Variants in ARID3B observed in about 807,000 individuals in gnomAD.
The protein encoded by ARID3B is AT-rich interaction domain 3B, also known as AT-rich interactive domain-containing protein 3B.
In ARID3B, 10 loss-of-function variants were observed where a neutral mutation model predicts 51.9. The ratio of observed to expected loss-of-function variants is 0.19; its 90% CI spans 0.12 to 0.33. ARID3B has a LOEUF of 0.33. ARID3B is among the 10% of genes least tolerant of loss of function. The pLI is 1.00. For synonymous variants in ARID3B, 205 were observed against 279.5 expected (o/e 0.73, Z 2.66); for missense variants, 483 against 716.3 (o/e 0.67, Z 3.72).
chr15:74,586,894 A>G lies in ARID3B; in HGVS notation c.698-2926A>G, dbSNP rs151288719. Among the ~76,000 whole-genome samples, 429 of 152,332 alleles carry G rather than the reference A, an allele frequency of 2.8e-3. 4 individuals are homozygous for G. The highest frequency in any genetic ancestry group is 0.024 in the East Asian group (126 of 5,182). ...AAATTCTGAGAGGGAAGAAACCCAC[A>G]TGAACTGGGGTAGTGAGAACATGCT... On this transcript the variant is annotated intron_variant, in intron 4 of 8. Transcript: ENST00000346246.
At chr15:74,542,901 T>C (rs776237753) in intron 1 of ARID3B, among the ~76,000 whole-genome samples, 6 of 152,120 alleles carry the variant, frequency 3.9e-5, no homozygotes, top group African/African-American at 1.4e-4. Context: ...TGGAGACTGA[T>C]TGGTAAGAAT....
chr15:74,576,147 G>A (rs1475677612), intron 4 of ARID3B, among the ~76,000 whole-genome samples: 1 of 151,996 alleles, frequency 6.6e-6, no homozygotes, highest in African/African-American at 2.4e-5. Flanking sequence ...CTCCCACCTC[G>A]GCTTTTCAGA....
intron 2 of ARID3B, among the ~76,000 whole-genome samples, chr15:74,549,120 C>T (rs1182211224): frequency 9.2e-5 from 14 of 151,498 alleles, no homozygotes; most frequent in Non-Finnish European, 1.5e-5. Flanking sequence ...GTCACTCAGG[C>T]TAGAGTGCAG....
At chr15:74,586,538 T>C (rs2061782247) in intron 4 of ARID3B, among the ~76,000 whole-genome samples, 1 of 152,252 alleles carries the variant, frequency 6.6e-6, no homozygotes, top group African/African-American at 2.4e-5. Context: ...TTGTAATTCC[T>C]CTCTGGGGAG....
intron 7 of ARID3B, among the ~76,000 whole-genome samples, chr15:74,592,465 A>G (rs182238498): frequency 6.6e-6 from 1 of 152,308 alleles, no homozygotes; most frequent in Non-Finnish European, 1.5e-5. Flanking sequence ...GGAGCTATAC[A>G]TATTCCCAGG....
chr15:74,576,266 A>G (rs1413243645), intron 4 of ARID3B, among the ~76,000 whole-genome samples: 1 of 152,168 alleles, frequency 6.6e-6, no homozygotes, highest in Non-Finnish European at 1.5e-5. Context: ...AGTCACAACA[A>G]CCAAAAATGT....
intron 2 of ARID3B, among the ~76,000 whole-genome samples, chr15:74,546,538 T>TGTGCACACGTGTGCAC (rs1455793821): frequency 2.0e-5 from 3 of 152,212 alleles, no homozygotes; most frequent in African/African-American, 7.2e-5. Context: ...GGCGTGTGCA[T>TGTGCACACGTGTGCAC]GTGCACACGT....
intron 4 of ARID3B, chr15:74,574,357 T>A (rs1211930694): frequency 6.6e-6 from 1 of 152,306 alleles, no homozygotes; most frequent in Non-Finnish European, 1.5e-5. Flanking sequence ...CATCCTGTTA[T>A]AGCTGATCAT....
Position 74,591,385 on chromosome 15 carries a change from T to C in ARID3B, c.1116T>C (p.Gly372=), listed in dbSNP as rs200028946. 6.2e-7 allele frequency: 1 copy of C among 1,612,794 alleles called. No individual in the cohort carries two copies. Among genetic ancestry groups the C allele is most frequent in the Admixed American group, 1.7e-5 (1 of 60,002 alleles). The change falls in exon 6 of 9, where the codon GGT becomes GGC. Residue 372 remains glycine (G), a synonymous_variant. Transcript: ENST00000346246. The surrounding 1 kb of genome is among the most constrained non-coding windows in gnomAD (Gnocchi z 5.8). ...TCCTTGGGCTTGGCTCCAGCAGTGG[T>C]ACCAATACCAGTAGCCCTCGGATAT... ...FPILGLGSSS[G]TNTSSPRISP... is the part of the protein sequence containing the mutation.
At position 74,596,294 on chromosome 15, in the gene ARID3B, C is replaced by T; in HGVS notation, c.*520C>T. On this transcript the variant is annotated 3_prime_UTR_variant, in exon 9 of 9. Transcript: ENST00000346246. ...GATGGGGCCCTTCCAGCCCACTTTG[C>T]CTACTGTTAGGTTCCTGGGGTACGG... 1 of 234,268 alleles carries T rather than the reference C, an allele frequency of 4.3e-6. No individual in the cohort carries two copies. Among genetic ancestry groups the T allele is most frequent in the Non-Finnish European group, 8.4e-6 (1 of 118,458 alleles). The allele number at this position is 234,268 out of a possible 1,614,324, so 14.5% of individuals were successfully genotyped here.
chr15:74,591,694 G>T lies in ARID3B; in HGVS notation c.1300G>T (p.Ala434Ser). The T allele has an allele frequency of 6.2e-7, 1 of 1,613,152 alleles. No individual in the cohort carries two copies. Among genetic ancestry groups the T allele is most frequent in the Non-Finnish European group, 8.5e-7 (1 of 1,179,696 alleles). Reference protein sequence around the residue: ...LRERLESGEPAEKKASRLSEE... With the variant: ...LRERLESGEPSEKKASRLSEE... The stretch of plus-strand genomic sequence containing the variant: ...GGAGCGGCTGGAGTCAGGGGAGCCT[G>T]CTGAGAAGAAGGCATCGAGGCTGTC... The change falls in exon 7 of 9, where the codon GCT becomes TCT. Residue 434 changes from alanine (A) to serine (S), a missense_variant. Around this residue, in one of 3 missense-constraint regions of ARID3B, gnomAD observed 265 missense variants for 354.4 expected, o/e 0.75. Transcript: ENST00000346246. This position sits in a 1 kb window ranked among gnomAD's most constrained non-coding sequence, Gnocchi z 5.8.
chr15:74,542,182 C>T (rs1021755451), intron 1 of ARID3B, among the ~76,000 whole-genome samples: 2 of 152,210 alleles, frequency 1.3e-5, no homozygotes, highest in Admixed American at 1.3e-4. Context: ...ACTATGAGGA[C>T]ATTTAAAATG....
chr15:74,550,228 C>G (rs1026438136), intron 2 of ARID3B, among the ~76,000 whole-genome samples: 1 of 152,146 alleles, frequency 6.6e-6, no homozygotes, highest in Non-Finnish European at 1.5e-5. Context: ...TCTTTCAGCC[C>G]AGCACTCCAT....
intron 2 of ARID3B, among the ~76,000 whole-genome samples, chr15:74,546,892 C>T (rs969948182): frequency 2.0e-5 from 3 of 152,098 alleles, no homozygotes; most frequent in African/African-American, 7.2e-5. Context: ...TTGATCTGTG[C>T]TCTCCTTTTC....
In ARID3B at chr15:74,597,852, A is replaced by G; in HGVS notation, c.*2078A>G. On this transcript the variant is annotated 3_prime_UTR_variant, in exon 9 of 9. Transcript: ENST00000346246. ...AGGACAACAGCAGGGTGTCACCCAG[A>G]GCCCGATGAGGGGTGCCAGCAGGTG... 1 of 522,180 alleles carries G rather than the reference A, an allele frequency of 1.9e-6. No individual in the cohort carries two copies. The highest frequency in any genetic ancestry group is 3.7e-6 in the Non-Finnish European group (1 of 269,250). 32.3% of individuals were successfully genotyped at this position (522,180 alleles called of 1,614,324 possible).
rs2061834166 is a variant in ARID3B, at chr15:74,597,807, G to A, written c.*2033G>A. 4.2e-6 allele frequency: 2 copies of A among 477,128 alleles called. No homozygotes were observed. The highest frequency in any genetic ancestry group is 5.3e-5 in the Admixed American group (2 of 37,660). 29.6% of individuals were successfully genotyped at this position (477,128 alleles called of 1,614,324 possible). A position where few individuals can be genotyped will look rare whatever the true frequency, so the allele number is the denominator to read the frequency against. On this transcript the variant is annotated 3_prime_UTR_variant, in exon 9 of 9. Transcript: ENST00000346246. ...CAGCTCGCCTGGCCACACCGTTGGAGTGAACCCTCACTGCCCTCAAGGACA... is the reference window on the plus strand; with the variant it reads ...CAGCTCGCCTGGCCACACCGTTGGAATGAACCCTCACTGCCCTCAAGGACA...
In ARID3B at chr15:74,596,375, T is replaced by G; in HGVS notation, c.*601T>G. 4.3e-6 allele frequency: 1 copy of G among 233,216 alleles called. No homozygotes were observed. 14.4% of individuals were successfully genotyped at this position (233,216 alleles called of 1,614,324 possible). A position where few individuals can be genotyped will look rare whatever the true frequency, so the allele number is the denominator to read the frequency against. ...TCAGGGCCCCAGATCCCCCTTCTAA[T>G]AGTCTGAAGGAAGAGGCTGTGAGGG... On this transcript the variant is annotated 3_prime_UTR_variant, in exon 9 of 9. Coordinates refer to ENST00000346246, the MANE Select transcript of ARID3B (RefSeq NM_006465.4).
intron 2 of ARID3B, among the ~76,000 whole-genome samples, chr15:74,554,702 A>G (rs1483592096): frequency 6.6e-6 from 1 of 152,058 alleles, no homozygotes; most frequent in African/African-American, 2.4e-5. Context: ...TTTAGCCTTT[A>G]TGTCCTTTGC....
At chr15:74,585,131 C>A (rs545703910) in intron 4 of ARID3B, among the ~76,000 whole-genome samples, 1 of 152,218 alleles carries the variant, frequency 6.6e-6, no homozygotes, top group Admixed American at 6.5e-5. Context: ...ATCAGGTGCT[C>A]ACCCCCTTCT....
Sources: allele counts gnomAD v4.1 joint callset (sites outside exome capture counted in the v4.1 genomes callset), GRCh38; gene constraint gnomAD v4.1.1; regional missense constraint gnomAD v4.1.1; non-coding constraint Gnocchi (gnomAD v3.1); transcripts MANE v1.5; gene names NCBI Gene and HGNC (gene_info 2026-07-23, HGNC 2026-07-21).